The following DACH2 variants were observed in gnomAD, a reference collection of about 807,000 sequenced individuals.
DACH2 encodes the protein dachshund homolog 2.
DACH2 carries 17 observed loss-of-function variants against 35.8 expected under a neutral mutation model. That is an observed-to-expected ratio of 0.48 (90% CI 0.33 to 0.71). The LOEUF is 0.71. DACH2 is among the 30% of genes least tolerant of loss of function. The probability of loss-of-function intolerance (pLI) is 0.02; values close to 1 mark genes in which losing one functional copy is unlikely to be tolerated. For missense variants in DACH2, 469 were observed against 472.7 expected (o/e 0.99, Z 0.07); for synonymous variants, 195 against 177.3 (o/e 1.10, Z -0.79).
chrX:86,292,364 T>G lies in DACH2; in HGVS notation c.489-84460T>G, dbSNP rs2034321507. Among the ~76,000 whole-genome samples, 3 of 95,420 alleles carry G rather than the reference T, an allele frequency of 3.1e-5. No homozygotes were observed. The South Asian group carries it at 1.7e-3, about 56-fold the overall frequency. 82.9% of individuals were successfully genotyped at this position (95,420 alleles called of 115,157 possible). A position where few individuals can be genotyped will look rare whatever the true frequency, so the allele number is the denominator to read the frequency against. ...GCGGTCTATCAATTTTGTTGATCCA[T>G]TCAAAAAACCAGCTCCTGGATTCAT... is the stretch of plus-strand genomic sequence containing the variant. On this transcript the variant is annotated intron_variant, in intron 1 of 11. Transcript: ENST00000373125.
chrX:86,433,233 T>C (rs1343367482), intron 2 of DACH2, among the ~76,000 whole-genome samples: 1 of 111,880 alleles, frequency 8.9e-6, no homozygotes, highest in Non-Finnish European at 1.9e-5. Flanking sequence ...AAAAATAAAA[T>C]TGGGAGAAGA....
At chrX:86,546,839 T>G (rs762607016) in intron 3 of DACH2, among the ~76,000 whole-genome samples, 58 of 110,255 alleles carry the variant, frequency 5.3e-4, no homozygotes, top group African/African-American at 1.7e-3. Context: ...AACTGGATCA[T>G]GGGGCAGATG....
chrX:86,497,178 A>G (rs771743261), intron 2 of DACH2, among the ~76,000 whole-genome samples: 174 of 111,850 alleles, frequency 1.6e-3, no homozygotes, highest in South Asian at 0.014. Context: ...AGGAAAACTT[A>G]TTAAATGACC....
chrX:86,479,206 G>C (rs904113501), intron 2 of DACH2, among the ~76,000 whole-genome samples: 6 of 111,319 alleles, frequency 5.4e-5, no homozygotes, highest in East Asian at 5.7e-4. Context: ...TCGACATCCA[G>C]CCATTTGTGT....
chrX:86,630,960 T>C lies in DACH2; in HGVS notation c.641-20076T>C, dbSNP rs1451731070. ...TAGCACAGATTGAGTGTATTCTCTC[T>C]TAATATCTATCTGTAACTCAACAGA... On this transcript the variant is annotated intron_variant, in intron 3 of 11. Coordinates refer to ENST00000373125, the MANE Select transcript of DACH2 (RefSeq NM_053281.3). 2.7e-5 allele frequency among the ~76,000 whole-genome samples: 3 copies of C among 112,073 alleles called. No individual in the cohort carries two copies. In the East Asian group the frequency reaches 8.5e-4, roughly 32 times the overall value.
rs1214977768 is a variant in DACH2, at chrX:86,205,474, CTCCTTCCCTCCTTCCCTCCTTCCT to C, written c.488+56374_488+56397del. Among the ~76,000 whole-genome samples, 163 of 47,182 alleles carry C rather than the reference CTCCTTCCCTCCTTCCCTCCTTCCT, an allele frequency of 3.5e-3. 1 individual carries two copies. Among genetic ancestry groups the C allele is most frequent in the African/African-American group, 0.026 (152 of 5,836 alleles). 41.0% of individuals were successfully genotyped at this position (47,182 alleles called of 115,157 possible). A position where few individuals can be genotyped will look rare whatever the true frequency, so the allele number is the denominator to read the frequency against. The stretch of plus-strand genomic sequence containing the variant: ...CCTCCCTCCCTCCCTCCCTCCTTCC[CTCCTTCCCTCCTTCCCTCCTTCCT>C]TCCTTCCTTCCTTCCTTCCTTCCTT... On this transcript the variant is annotated intron_variant, in intron 1 of 11. Transcript: ENST00000373125.
chrX:86,810,698 C>T (rs746720855), intron 7 of DACH2, among the ~76,000 whole-genome samples: 17 of 111,300 alleles, frequency 1.5e-4, no homozygotes, highest in African/African-American at 4.9e-4. Flanking sequence ...GCCTTAGAAA[C>T]CTTAGATCTG....
chrX:86,720,752 G>A (rs989986809), intron 6 of DACH2, among the ~76,000 whole-genome samples: 3 of 112,573 alleles, frequency 2.7e-5, no homozygotes, highest in Admixed American at 9.3e-5. Context: ...GTGCCCCAGT[G>A]GGGGAATCTG....
In DACH2 at chrX:86,610,389, CTTTCTTTCTTTCTTTCTTTCTTTCTTTCT is replaced by C. The variant is rs1361027938; in HGVS notation, c.641-40614_641-40586del. Among the ~76,000 whole-genome samples the C allele has an allele frequency of 3.2e-3, 270 of 84,038 alleles. 3 individuals carry two copies. Among genetic ancestry groups the C allele is most frequent in the African/African-American group, 9.7e-3 (191 of 19,611 alleles). 73.0% of individuals were successfully genotyped at this position (84,038 alleles called of 115,157 possible). Reference sequence around the variant, plus strand: ...TCTTTCTTTCTTTCTTTCTTTCTTTCTTTCTTTCTTTCTTTCTTTCTTTCTTTCTTTTCTTTCTTTCTTTCTTTCTTTCT... The same window carrying C: ...TCTTTCTTTCTTTCTTTCTTTCTTTCTTTCTTTCTTTCTTTCTTTCTTTCT... On this transcript the variant is annotated intron_variant, in intron 3 of 11. Coordinates refer to ENST00000373125, the MANE Select transcript of DACH2 (RefSeq NM_053281.3).
intron 1 of DACH2, among the ~76,000 whole-genome samples, chrX:86,281,821 A>G (rs1375886136): frequency 8.9e-6 from 1 of 112,313 alleles, no homozygotes; most frequent in Admixed American, 9.4e-5. Flanking sequence ...TACAAAATCA[A>G]TGTGCAAAAA....
chrX:86,217,516 A>G (rs1287971623), intron 1 of DACH2, among the ~76,000 whole-genome samples: 1 of 111,821 alleles, frequency 8.9e-6, no homozygotes, highest in Non-Finnish European at 1.9e-5. Context: ...AAGTTCAGAC[A>G]GTGATAAGTA....
chrX:86,603,782 TTCTTC>T (rs1244779656), intron 3 of DACH2, among the ~76,000 whole-genome samples: 15 of 111,703 alleles, frequency 1.3e-4, no homozygotes, highest in African/African-American at 4.9e-4. Context: ...GAAGTCTTTC[TTCTTC>T]TCTTAAGTAT....
At chrX:86,232,771 A>G (rs1443299035) in intron 1 of DACH2, among the ~76,000 whole-genome samples, 1 of 112,327 alleles carries the variant, frequency 8.9e-6, no homozygotes, top group Non-Finnish European at 1.9e-5. Context: ...AGTATTGTGG[A>G]AAGCAATGTG....
chrX:86,634,798 A>G (rs1364590063), intron 3 of DACH2, among the ~76,000 whole-genome samples: 3 of 112,305 alleles, frequency 2.7e-5, no homozygotes, highest in Admixed American at 9.4e-5. Context: ...GGACAAAAAC[A>G]AATGAAAATA....
intron 3 of DACH2, among the ~76,000 whole-genome samples, chrX:86,631,255 G>A (rs1228323065): frequency 1.8e-5 from 2 of 111,971 alleles, no homozygotes; most frequent in Non-Finnish European, 3.8e-5. Context: ...GTATTTTTCT[G>A]AGTAGGATTC....
chrX:86,566,297 C>T (rs2039291877), intron 3 of DACH2, among the ~76,000 whole-genome samples: 1 of 111,520 alleles, frequency 9.0e-6, no homozygotes, highest in South Asian at 3.7e-4. Flanking sequence ...TAGATGTTAG[C>T]AAGGATTAAG....
chrX:86,180,202 A>ATATATATG (rs1338071562), intron 1 of DACH2, among the ~76,000 whole-genome samples: 1 of 89,050 alleles, frequency 1.1e-5, no homozygotes, highest in African/African-American at 4.1e-5. Flanking sequence ...ATATATATAT[A>ATATATATG]TATATGGTTC....
intron 11 of DACH2, chrX:86,827,622 G>T (rs1249508998): frequency 6.4e-6 from 3 of 470,952 alleles, no homozygotes; most frequent in Non-Finnish European, 1.1e-5. Context: ...AATTGCGAGA[G>T]ATATATTCAA....
intron 1 of DACH2, among the ~76,000 whole-genome samples, chrX:86,296,380 C>CAAAAAAAAA (rs61713614): frequency 2.9e-5 from 2 of 68,441 alleles, no homozygotes; most frequent in African/African-American, 5.1e-5. Flanking sequence ...GACTCCATCT[C>CAAAAAAAAA]AAAAAAAAAA....
Sources: allele counts gnomAD v4.1 joint callset (sites outside exome capture counted in the v4.1 genomes callset), GRCh38; gene constraint gnomAD v4.1.1; transcripts MANE v1.5; gene names NCBI Gene and HGNC (gene_info 2026-07-23, HGNC 2026-07-21).